CAP1: variants seen among roughly 807,000 people sequenced by gnomAD.
CAP1 encodes cyclase associated actin cytoskeleton regulatory protein 1, also known as adenylyl cyclase-associated protein 1.
Under a neutral mutation model 58.2 loss-of-function variants are expected in CAP1, and 11 were observed. The ratio of observed to expected loss-of-function variants is 0.19; its 90% CI spans 0.12 to 0.31. The LOEUF (loss-of-function observed/expected upper bound fraction) is 0.31. CAP1 is among the 10% of genes least tolerant of loss of function. The probability of loss-of-function intolerance (pLI) is 1.00; values close to 1 mark genes in which losing one functional copy is unlikely to be tolerated. For missense variants in CAP1, 423 were observed against 587.5 expected (o/e 0.72, Z 2.89); for synonymous variants, 183 against 213.8 (o/e 0.86, Z 1.26).
At chr1:40,049,256 G>A (rs978062986) in intron 1 of CAP1, among the ~76,000 whole-genome samples, 3 of 131,292 alleles carry the variant, frequency 2.3e-5, no homozygotes, top group Non-Finnish European at 4.6e-5. Context: ...GCGCGATCTC[G>A]GCTCACTGCA....
At chr1:40,044,943 C>T in intron 1 of CAP1, among the ~76,000 whole-genome samples, 1 of 151,456 alleles carries the variant, frequency 6.6e-6, no homozygotes, top group East Asian at 1.9e-4. Flanking sequence ...ACTACAGGCG[C>T]CCGCCACCAG....
intron 8 of CAP1, among the ~76,000 whole-genome samples, chr1:40,069,193 T>C (rs1235004741): frequency 5.3e-5 from 8 of 152,222 alleles, no homozygotes; most frequent in Non-Finnish European, 1.0e-4. Context: ...ATAGTTGAAC[T>C]AAATTTGTTA....
Position 40,072,115 on chromosome 1 carries a change from T to A in CAP1, c.*582T>A. 2.5e-6 allele frequency: 1 copy of A among 400,472 alleles called. No homozygotes were observed. The highest frequency in any genetic ancestry group is 4.4e-6 in the Non-Finnish European group (1 of 227,052). 24.8% of individuals were successfully genotyped at this position (400,472 alleles called of 1,614,324 possible). ...TTCTCTATTCTATCCTGGGTCTGCC[T>A]CAACCGTGAGATAGGAGAGTCTCTG... On this transcript the variant is annotated 3_prime_UTR_variant, in exon 13 of 13. Coordinates refer to ENST00000372805, the MANE Select transcript of CAP1 (RefSeq NM_006367.4).
intron 4 of CAP1, among the ~76,000 whole-genome samples, chr1:40,063,965 G>A (rs1364516748): frequency 6.6e-6 from 1 of 152,174 alleles, no homozygotes; most frequent in African/African-American, 2.4e-5. Context: ...AGAGACAGGT[G>A]GCTGAAATGG....
Position 40,071,750 on chromosome 1 carries a change from C to T in CAP1, c.*217C>T, listed in dbSNP as rs1648082640. The T allele has an allele frequency of 1.8e-6, 1 of 558,166 alleles. No homozygotes were observed. Among genetic ancestry groups the T allele is most frequent in the Non-Finnish European group, 3.2e-6 (1 of 313,382 alleles). 34.6% of individuals were successfully genotyped at this position (558,166 alleles called of 1,614,324 possible). A position where few individuals can be genotyped will look rare whatever the true frequency, so the allele number is the denominator to read the frequency against. ...CTTCTGCAGGAAGGTGCAGCTTTTC[C>T]ATATCAGCTCAACCACGCCGCCAGT... is the stretch of plus-strand genomic sequence containing the variant. On this transcript the variant is annotated 3_prime_UTR_variant, in exon 13 of 13. Coordinates refer to ENST00000372805, the MANE Select transcript of CAP1 (RefSeq NM_006367.4).
chr1:40,052,027 G>T (rs1646396858), intron 1 of CAP1, among the ~76,000 whole-genome samples: 1 of 152,062 alleles, frequency 6.6e-6, no homozygotes, highest in Non-Finnish European at 1.5e-5. Context: ...TCTTCAGTAG[G>T]CCCACAATGC....
chr1:40,071,007 T>C (rs1647848899), intron 12 of CAP1, 28 bp downstream of exon 12: 3 of 1,580,688 alleles, frequency 1.9e-6, no homozygotes, highest in East Asian at 2.2e-5. Context: ...TTTAGTATGA[T>C]GTTAAAAACA....
At position 40,067,727 on chromosome 1, in the gene CAP1, C is replaced by T. The variant is rs1043776547; in HGVS notation, c.808+10C>T. ...GAGAGCATTACACATGGTGAGTGAG[C>T]ACTTGGACACGAACAGTAGGTACAA... On this transcript the variant is annotated intron_variant, in intron 8 of 12. Coordinates refer to ENST00000372805, the MANE Select transcript of CAP1 (RefSeq NM_006367.4). 1.3e-6 allele frequency: 2 copies of T among 1,587,518 alleles called. No individual in the cohort carries two copies.
intron 1 of CAP1, among the ~76,000 whole-genome samples, chr1:40,051,106 G>T (rs186628632): frequency 6.6e-6 from 1 of 152,230 alleles, no homozygotes; most frequent in Admixed American, 6.5e-5. Flanking sequence ...GCTACCGCCA[G>T]TCCTCATTGA....
chr1:40,046,983 G>C (rs1646137779), intron 1 of CAP1, among the ~76,000 whole-genome samples: 2 of 152,070 alleles, frequency 1.3e-5, no homozygotes, highest in African/African-American at 4.8e-5. Context: ...ATATTGGCCA[G>C]GCTGGTCTCA....
At chr1:40,047,299 A>G (rs192986552) in intron 1 of CAP1, among the ~76,000 whole-genome samples, 13 of 152,346 alleles carry the variant, frequency 8.5e-5, no homozygotes, top group African/African-American at 2.9e-4. Flanking sequence ...TGTTAACCTG[A>G]TAAAAACAAA....
At chr1:40,062,400 C>T (rs1470590623) in intron 4 of CAP1, among the ~76,000 whole-genome samples, 1 of 152,040 alleles carries the variant, frequency 6.6e-6, no homozygotes, top group African/African-American at 2.4e-5. Context: ...TGTATTAAAA[C>T]CCTTGACCCT....
rs143962179 is a variant in CAP1 at position 40,050,566 on chromosome 1, G to A, written c.-10-8771G>A. Among the ~76,000 whole-genome samples the A allele has an allele frequency of 6.0e-3, 906 of 151,864 alleles. 9 individuals are homozygous for A. The highest frequency in any genetic ancestry group is 0.02 in the African/African-American group (839 of 41,456). Reference sequence around the variant, plus strand: ...TCCAGCTACTCGGGAGGCTGAGGCAGGAGAATCGCTTGAACCTGGAAGGTG... The same window carrying A: ...TCCAGCTACTCGGGAGGCTGAGGCAAGAGAATCGCTTGAACCTGGAAGGTG... On this transcript the variant is annotated intron_variant, in intron 1 of 12. Coordinates refer to ENST00000372805, the MANE Select transcript of CAP1 (RefSeq NM_006367.4).
chr1:40,047,943 C>A (rs1646179344), intron 1 of CAP1, among the ~76,000 whole-genome samples: 1 of 152,164 alleles, frequency 6.6e-6, no homozygotes, highest in African/African-American at 2.4e-5. Flanking sequence ...AAAATCTAAA[C>A]CTCGGGTGGC....
intron 8 of CAP1, 149 bp from the exon 9 acceptor site, chr1:40,069,541 A>G (rs1258026148): frequency 3.0e-6 from 2 of 666,194 alleles, no homozygotes; most frequent in Non-Finnish European, 5.3e-6. Flanking sequence ...GAGAAATGAT[A>G]AAAGTACTTT....
chr1:40,049,226 G>A (rs148289920), intron 1 of CAP1, among the ~76,000 whole-genome samples: 49 of 110,602 alleles, frequency 4.4e-4, no homozygotes, highest in African/African-American at 1.6e-3. Flanking sequence ...TCTCTCTGTC[G>A]CCCAGGCTGG....
Sources: allele counts gnomAD v4.1 joint callset (sites outside exome capture counted in the v4.1 genomes callset), GRCh38; gene constraint gnomAD v4.1.1; transcripts MANE v1.5; gene names NCBI Gene and HGNC (gene_info 2026-07-23, HGNC 2026-07-21).